SPSB1: variants seen among roughly 807,000 people sequenced by gnomAD.
SPSB1 encodes SPRY domain-containing SOCS box protein 1.
Under a neutral mutation model 21.2 loss-of-function variants are expected in SPSB1, and 8 were observed. That is an observed-to-expected ratio of 0.38 (90% CI 0.22 to 0.68). The LOEUF is 0.68. Among genes scored for constraint, SPSB1 ranks in the 30% least tolerant of loss-of-function variants. The pLI, the probability that SPSB1 is intolerant of heterozygous loss-of-function variation, is 0.53. For synonymous variants in SPSB1, 169 were observed against 161.7 expected (o/e 1.05, Z -0.34); for missense variants, 242 against 377.8 (o/e 0.64, Z 2.98).
intron 2 of SPSB1, among the ~76,000 whole-genome samples, chr1:9,366,876 T>C (rs1019685999): frequency 6.6e-6 from 1 of 152,198 alleles, no homozygotes; most frequent in Admixed American, 6.5e-5. Flanking sequence ...GCCCAGCTAG[T>C]CTTCAGCTTT....
At chr1:9,312,932 A>G (rs573363958) in intron 1 of SPSB1, among the ~76,000 whole-genome samples, 5 of 152,182 alleles carry the variant, frequency 3.3e-5, no homozygotes, top group Non-Finnish European at 7.3e-5. Context: ...CCCTGCAGAC[A>G]CACCTTTTCC....
chr1:9,314,427 C>G (rs1639576492), intron 1 of SPSB1, among the ~76,000 whole-genome samples: 1 of 151,990 alleles, frequency 6.6e-6, no homozygotes, highest in Admixed American at 6.6e-5. Flanking sequence ...TGGCTGCCCA[C>G]TTGTGAGCAT....
chr1:9,308,329 G>A (rs113629973), intron 1 of SPSB1, among the ~76,000 whole-genome samples: 1,742 of 152,244 alleles, frequency 0.011, 26 homozygotes, highest in Non-Finnish European at 0.013. Context: ...CCCAGGTCCT[G>A]CATACCCAGC....
rs1639640433 is a variant in SPSB1, at chr1:9,317,850, T to G, written c.-150+24779T>G. The stretch of plus-strand genomic sequence containing the variant: ...GCGAGGGAACCAATTTTTTTTTTTT[T>G]TTTTTTGAGACCCTGCAGATTGGCG... On this transcript the variant is annotated intron_variant, in intron 1 of 2. Coordinates refer to ENST00000328089, the MANE Select transcript of SPSB1 (RefSeq NM_025106.4). This position sits in a 1 kb window ranked among gnomAD's most constrained non-coding sequence, Gnocchi z 4.3. 6.6e-6 allele frequency among the ~76,000 whole-genome samples: 1 copy of G among 151,532 alleles called. No individual in the cohort carries two copies. The highest frequency in any genetic ancestry group is 1.5e-5 in the Non-Finnish European group (1 of 67,810).
chr1:9,311,770 G>A (rs934494080), intron 1 of SPSB1, among the ~76,000 whole-genome samples: 4 of 152,136 alleles, frequency 2.6e-5, no homozygotes, highest in Non-Finnish European at 4.4e-5. Context: ...ACCACGTTTT[G>A]TGTGTTTGGG....
chr1:9,348,941 G>A lies in SPSB1; in HGVS notation c.-149-6802G>A, dbSNP rs1384604559. Among the ~76,000 whole-genome samples, 3 of 12,432 alleles carry A rather than the reference G, an allele frequency of 2.4e-4. No homozygotes were observed. In the East Asian group the frequency reaches 4.4e-3, roughly 18 times the overall value. The allele number at this position is 12,432 out of a possible 152,430, so 8.2% of individuals were successfully genotyped here. On this transcript the variant is annotated intron_variant, in intron 1 of 2. Transcript: ENST00000328089. The surrounding 1 kb of genome is among the most constrained non-coding windows in gnomAD (Gnocchi z 4.8). ...TCCCCTTTCACTCGTGCAAGAATGT[G>A]TGTGTGTGTGTGTGTGTGTGTGTAT...
chr1:9,343,355 A>G (rs138163681), intron 1 of SPSB1, among the ~76,000 whole-genome samples: 2 of 142,344 alleles, frequency 1.4e-5, no homozygotes, highest in African/African-American at 5.0e-5. Flanking sequence ...GGAATCGTAC[A>G]ATGTGTGACC....
At chr1:9,320,090 G>A (rs1040580607) in intron 1 of SPSB1, among the ~76,000 whole-genome samples, 2 of 152,144 alleles carry the variant, frequency 1.3e-5, no homozygotes, top group East Asian at 1.9e-4. Context: ...AGGGCAGGCC[G>A]CCAGGGACCC....
chr1:9,325,351 G>A (rs150999345), intron 1 of SPSB1, among the ~76,000 whole-genome samples: 1 of 152,302 alleles, frequency 6.6e-6, no homozygotes, highest in African/African-American at 2.4e-5. Context: ...CCACCTTTGG[G>A]GAGTGAGTTC....
At chr1:9,347,205 AACACGT>A (rs1640178605) in intron 1 of SPSB1, among the ~76,000 whole-genome samples, 1 of 152,206 alleles carries the variant, frequency 6.6e-6, no homozygotes, top group African/African-American at 2.4e-5. Context: ...ATGGATCCTT[AACACGT>A]ACCTTCATGG....
intron 1 of SPSB1, among the ~76,000 whole-genome samples, chr1:9,297,969 G>A (rs1042713786): frequency 2.0e-5 from 3 of 152,164 alleles, no homozygotes; most frequent in South Asian, 2.1e-4. Context: ...AGTGGGAGCC[G>A]CAGTCACTCA....
In SPSB1 at chr1:9,293,543, C is replaced by T. The variant is rs1557441384; in HGVS notation, c.-150+472C>T. Among the ~76,000 whole-genome samples the T allele has an allele frequency of 6.6e-6, 1 of 151,942 alleles. No homozygotes were observed. The highest frequency in any genetic ancestry group is 1.5e-5 in the Non-Finnish European group (1 of 67,924). ...GGATTGGCGGCGCGGCCCGGTCCCC[C>T]GTCGGGGCGCCCCCACCCTCCCGCA... On this transcript the variant is annotated intron_variant, in intron 1 of 2. Coordinates refer to ENST00000328089, the MANE Select transcript of SPSB1 (RefSeq NM_025106.4). The surrounding 1 kb of genome is among the most constrained non-coding windows in gnomAD (Gnocchi z 5.1).
chr1:9,305,942 T>C lies in SPSB1; in HGVS notation c.-150+12871T>C, dbSNP rs1176079940. Reference sequence around the variant, plus strand: ...GGTGCCCATGTGTGGCCAAAATGAGTGCAGAGAGGCAGGAGGGCCCACAGA... The same window carrying C: ...GGTGCCCATGTGTGGCCAAAATGAGCGCAGAGAGGCAGGAGGGCCCACAGA... On this transcript the variant is annotated intron_variant, in intron 1 of 2. Transcript: ENST00000328089. This position sits in a 1 kb window ranked among gnomAD's most constrained non-coding sequence, Gnocchi z 4.8. Among the ~76,000 whole-genome samples the C allele has an allele frequency of 6.6e-6, 1 of 151,852 alleles. No individual in the cohort carries two copies. The highest frequency in any genetic ancestry group is 2.4e-5 in the African/African-American group (1 of 41,304).
At chr1:9,333,528 G>C (rs1316429335) in intron 1 of SPSB1, among the ~76,000 whole-genome samples, 2 of 150,402 alleles carry the variant, frequency 1.3e-5, no homozygotes, top group African/African-American at 5.0e-5. Flanking sequence ...ACGGGGTTTC[G>C]CCATGTTGGG....
intron 1 of SPSB1, among the ~76,000 whole-genome samples, chr1:9,335,657 G>A (rs1022590504): frequency 6.6e-6 from 1 of 152,068 alleles, no homozygotes; most frequent in Admixed American, 6.6e-5. Flanking sequence ...AAAACTAGCT[G>A]AGCATGGTGG....
intron 1 of SPSB1, among the ~76,000 whole-genome samples, chr1:9,331,285 A>T (rs1639912276): frequency 6.4e-5 from 2 of 31,260 alleles, no homozygotes; most frequent in African/African-American, 1.7e-4. Flanking sequence ...TGTCATAAAT[A>T]CCCGTTATGG....
chr1:9,292,911 G>C lies in SPSB1; in HGVS notation c.-310G>C, dbSNP rs1430261272. On this transcript the variant is annotated 5_prime_UTR_variant, in exon 1 of 3. Transcript: ENST00000328089. ...TCTCCTCCGCACAGAAGTCGCGCTC[G>C]GGCAGCCTGCGCGCTCGCAGCAGGA... The C allele has an allele frequency of 2.5e-5, 25 of 982,710 alleles. No homozygotes were observed. Among genetic ancestry groups the C allele is most frequent in the South Asian group, 4.7e-5 (1 of 21,252 alleles). The allele number at this position is 982,710 out of a possible 1,614,324, so 60.9% of individuals were successfully genotyped here. A position where few individuals can be genotyped will look rare whatever the true frequency, so the allele number is the denominator to read the frequency against.
intron 2 of SPSB1, among the ~76,000 whole-genome samples, chr1:9,359,055 G>A (rs1640422253): frequency 6.6e-6 from 1 of 152,144 alleles, no homozygotes; most frequent in Non-Finnish European, 1.5e-5. Flanking sequence ...ATCAGGATTC[G>A]GGAACCGCAT....
Position 9,359,850 on chromosome 1 carries a change from G to GGA in SPSB1, c.694+3266_694+3267insAG, listed in dbSNP as rs1553128814. Among the ~76,000 whole-genome samples, 7 of 151,310 alleles carry GGA rather than the reference G, an allele frequency of 4.6e-5. No individual in the cohort carries two copies. In the South Asian group the frequency reaches 1.5e-3, roughly 32 times the overall value. ...GAGCTTGGGCCAGGATGGAAGCCGGGGGGGTGGGTGGCGGGGGCGGCCCGG... is the reference window on the plus strand; with the variant it reads ...GAGCTTGGGCCAGGATGGAAGCCGGGGAGGGGTGGGTGGCGGGGGCGGCCCGG... On this transcript the variant is annotated intron_variant, in intron 2 of 2. Coordinates refer to ENST00000328089, the MANE Select transcript of SPSB1 (RefSeq NM_025106.4).
Sources: allele counts gnomAD v4.1 joint callset (sites outside exome capture counted in the v4.1 genomes callset), GRCh38; gene constraint gnomAD v4.1.1; non-coding constraint Gnocchi (gnomAD v3.1); transcripts MANE v1.5; gene names NCBI Gene and HGNC (gene_info 2026-07-23, HGNC 2026-07-21).